ARFIP1: variants seen among roughly 807,000 people sequenced by gnomAD.
ARFIP1 encodes arfaptin-1.
A neutral mutation model predicts 42.5 loss-of-function variants in ARFIP1; 24 were observed. The observed-to-expected ratio is 0.57, with a 90% CI of 0.41 to 0.80. The LOEUF (loss-of-function observed/expected upper bound fraction) is 0.80, where lower values mean the gene tolerates loss of function less well. Among genes scored for constraint, ARFIP1 ranks in the 30% least tolerant of loss-of-function variants. The probability of loss-of-function intolerance (pLI) is 0.00; values close to 1 mark genes in which losing one functional copy is unlikely to be tolerated. For missense variants in ARFIP1, 354 were observed against 434.0 expected, an observed-to-expected ratio of 0.82 and a Z score of 1.64; for synonymous variants, 141 against 153.7, an observed-to-expected ratio of 0.92 and a Z score of 0.61.
intron 5 of ARFIP1, among the ~76,000 whole-genome samples, chr4:152,878,679 AACAAAAAACATTTCCTCATTAATT>A (rs1353246038): frequency 3.9e-5 from 6 of 152,210 alleles, no homozygotes. Context: ...GCTTCCTGGA[AACAAAAAACATTTCCTCATTAATT>A]CTTCACCTCT....
intron 1 of ARFIP1, among the ~76,000 whole-genome samples, chr4:152,799,511 G>C (rs574920623): frequency 6.6e-6 from 1 of 152,296 alleles, no homozygotes; most frequent in South Asian, 2.1e-4. Context: ...TTTAGAGCTG[G>C]ATTATTTATG....
intron 3 of ARFIP1, 82 bp downstream of exon 3, chr4:152,863,796 C>G: frequency 2.4e-6 from 2 of 823,930 alleles, no homozygotes; most frequent in Non-Finnish European, 4.0e-6. Flanking sequence ...TAATAAAGCA[C>G]AAGAATGGAG....
intron 2 of ARFIP1, among the ~76,000 whole-genome samples, chr4:152,846,460 C>G (rs924388766): frequency 6.6e-6 from 1 of 152,178 alleles, no homozygotes; most frequent in Non-Finnish European, 1.5e-5. Context: ...GCCATGTGCT[C>G]TCTTAACCCG....
rs561094534 is a variant in ARFIP1, at chr4:152,797,862, T to C, written c.-10+17636T>C. On this transcript the variant is annotated intron_variant, in intron 1 of 8. Coordinates refer to ENST00000353617, the MANE Select transcript of ARFIP1 (RefSeq NM_001025595.3). The stretch of plus-strand genomic sequence containing the variant: ...GGGTTTTTAGGCTACCATTATATCA[T>C]CTGCAAATAGAGATAGTTTTACTTT... Among the ~76,000 whole-genome samples, 10 of 152,318 alleles carry C rather than the reference T, an allele frequency of 6.6e-5. No individual in the cohort carries two copies. In the East Asian group the frequency reaches 1.7e-3, roughly 26 times the overall value.
At chr4:152,784,998 G>A (rs545363625) in intron 1 of ARFIP1, among the ~76,000 whole-genome samples, 2 of 152,244 alleles carry the variant, frequency 1.3e-5, no homozygotes, top group South Asian at 4.1e-4. Context: ...TCCAGAGGAG[G>A]GAGTCAGTTC....
At chr4:152,818,971 G>A (rs1410561751) in intron 1 of ARFIP1, among the ~76,000 whole-genome samples, 4 of 152,268 alleles carry the variant, frequency 2.6e-5, no homozygotes, top group African/African-American at 9.6e-5. Flanking sequence ...GCTTGTGCTC[G>A]TACCTGGGGA....
rs547462540 is a variant in ARFIP1, at chr4:152,829,613, C to A, written c.-9-12C>A. On this transcript the variant is annotated splice_polypyrimidine_tract_variant and intron_variant, in intron 1 of 8. Transcript: ENST00000353617. ...TATTAGTTACGGCGCTTTTTTTCTT[C>A]TTTTGTTTTAGGAGTCTACCATGGC... 3.2e-6 allele frequency: 5 copies of A among 1,577,158 alleles called. No homozygotes were observed. The highest frequency in any genetic ancestry group is 4.3e-6 in the Non-Finnish European group (5 of 1,163,262).
intron 8 of ARFIP1, among the ~76,000 whole-genome samples, chr4:152,897,953 C>A (rs1301397469): frequency 6.7e-6 from 1 of 149,638 alleles, no homozygotes; most frequent in Non-Finnish European, 1.5e-5. Context: ...AAGACACTAG[C>A]AGTGTTTAAG....
chr4:152,838,748 T>G (rs2149854176), intron 2 of ARFIP1, among the ~76,000 whole-genome samples: 1 of 152,282 alleles, frequency 6.6e-6, no homozygotes. Flanking sequence ...TGATTTCCTC[T>G]TTACCAATTT....
intron 1 of ARFIP1, among the ~76,000 whole-genome samples, chr4:152,797,637 A>C (rs1397566230): frequency 6.6e-6 from 1 of 152,008 alleles, no homozygotes; most frequent in Non-Finnish European, 1.5e-5. Flanking sequence ...GTGGTGCTGA[A>C]ATTTTCCTTG....
At chr4:152,899,583 T>C (rs908680835) in intron 8 of ARFIP1, among the ~76,000 whole-genome samples, 1 of 152,226 alleles carries the variant, frequency 6.6e-6, no homozygotes, top group Admixed American at 6.5e-5. Flanking sequence ...TATGATACTT[T>C]ATATTTTCTC....
intron 7 of ARFIP1, among the ~76,000 whole-genome samples, chr4:152,883,574 AGT>A (rs900624598): frequency 1.3e-5 from 2 of 151,932 alleles, no homozygotes; most frequent in African/African-American, 4.8e-5. Context: ...TTCATAATGC[AGT>A]GTTTTTATAC....
At chr4:152,890,462 T>C (rs193051237) in intron 8 of ARFIP1, among the ~76,000 whole-genome samples, 81 of 152,272 alleles carry the variant, frequency 5.3e-4, no homozygotes, top group Middle Eastern at 6.8e-3. Context: ...AGAAAGTCTC[T>C]TTCTTTCTTA....
intron 5 of ARFIP1, among the ~76,000 whole-genome samples, chr4:152,878,956 A>G (rs995150099): frequency 6.6e-6 from 1 of 152,196 alleles, no homozygotes; most frequent in African/African-American, 2.4e-5. Context: ...TAAGTGATGT[A>G]TCTATCTCCT....
intron 7 of ARFIP1, among the ~76,000 whole-genome samples, chr4:152,886,989 G>T (rs1249288202): frequency 6.6e-6 from 1 of 151,990 alleles, no homozygotes; most frequent in Non-Finnish European, 1.5e-5. Flanking sequence ...ATACAATATA[G>T]ATTATGTTAT....
intron 1 of ARFIP1, among the ~76,000 whole-genome samples, chr4:152,788,269 G>A (rs772074855): frequency 7.2e-5 from 11 of 152,188 alleles, no homozygotes; most frequent in Non-Finnish European, 5.9e-5. Context: ...ATAAAATATA[G>A]CAATATAGCA....
chr4:152,830,682 T>C (rs76053901), intron 2 of ARFIP1, among the ~76,000 whole-genome samples: 7,246 of 152,250 alleles, frequency 0.048, 582 homozygotes, highest in African/African-American at 0.16. Context: ...TTGTACTTTG[T>C]TGGGTGTATT....
In ARFIP1 at chr4:152,881,028, A is replaced by G. The variant is rs371990041; in HGVS notation, c.477A>G (p.Glu159=). ...RGSRTVDLEL[E]AQIDILRDNK... is the part of the protein sequence containing the mutation. ...CAAGAACTGTGGACCTTGAACTTGA[A>G]GCTCAGATTGATATATTAAGGGATA... is the stretch of plus-strand genomic sequence containing the variant. Residue 159 remains glutamate, a synonymous_variant, in exon 6 of 9, where the codon GAA becomes GAG. Transcript: ENST00000353617. 1.5e-5 allele frequency: 25 copies of G among 1,613,966 alleles called. 1 individual carries two copies. The African/African-American group carries it at 1.9e-4, about 12-fold the overall frequency.
chr4:152,905,833 A>G (rs6848557), intron 8 of ARFIP1, among the ~76,000 whole-genome samples: 94,949 of 151,660 alleles, frequency 0.63, 29,911 homozygotes, highest in Admixed American at 0.72. Context: ...GATTACAGGC[A>G]TGGGCCACCG....
Sources: gnomAD v4.1 joint callset for allele counts (sites outside exome capture counted in the v4.1 genomes callset) on GRCh38, gnomAD v4.1.1 for gene constraint, MANE v1.5 for transcripts, NCBI Gene and HGNC (gene_info 2026-07-23, HGNC 2026-07-21) for gene names.